The following FAM149B1 variants were observed in gnomAD, a reference collection of about 807,000 sequenced individuals.
FAM149B1 encodes family with sequence similarity 149 member B1, also known as primary cilium assembly protein FAM149B1.
Under a neutral mutation model 75.3 loss-of-function variants are expected in FAM149B1, and 56 were observed. That is an observed-to-expected ratio of 0.74 (90% CI 0.60 to 0.93). The LOEUF (loss-of-function observed/expected upper bound fraction) is 0.93. Among genes scored for constraint, FAM149B1 ranks in the 40% least tolerant of loss-of-function variants. The pLI, the probability that FAM149B1 is intolerant of heterozygous loss-of-function variation, is 0.00. For missense variants in FAM149B1, 639 were observed against 708.4 expected, an observed-to-expected ratio of 0.90 and a Z score of 1.11; for synonymous variants, 259 against 256.1, an observed-to-expected ratio of 1.01 and a Z score of -0.11.
intron 1 of FAM149B1, among the ~76,000 whole-genome samples, chr10:73,173,312 C>T (rs894568763): frequency 1.4e-4 from 21 of 152,230 alleles, no homozygotes; most frequent in African/African-American, 4.8e-4. Flanking sequence ...GTTAACTAGA[C>T]CTACAGACCT....
At chr10:73,199,478 A>T (rs2042884693) in intron 5 of FAM149B1, among the ~76,000 whole-genome samples, 1 of 152,126 alleles carries the variant, frequency 6.6e-6, no homozygotes, top group African/African-American at 2.4e-5. Flanking sequence ...CAGCCTCCCA[A>T]AGTGCTGAGA....
intron 5 of FAM149B1, chr10:73,201,066 T>C: frequency 3.5e-6 from 1 of 286,170 alleles, no homozygotes; most frequent in Non-Finnish European, 7.1e-6. Context: ...CTAGCAGTCA[T>C]GAAAACTGTA....
At chr10:73,203,201 G>A (rs1324801189) in intron 5 of FAM149B1, among the ~76,000 whole-genome samples, 1 of 152,152 alleles carries the variant, frequency 6.6e-6, no homozygotes, top group African/African-American at 2.4e-5. Context: ...AAAGACAGAA[G>A]GGCTAAATGG....
At chr10:73,174,884 A>G (rs1843878386) in intron 2 of FAM149B1, 93 bp downstream of exon 2, 1 of 809,768 alleles carries the variant, frequency 1.2e-6, no homozygotes, top group Non-Finnish European at 2.0e-6. Flanking sequence ...GCCTTGTGCT[A>G]ATGAAAACAA....
chr10:73,232,073 G>A (rs2043717958), intron 9 of FAM149B1, among the ~76,000 whole-genome samples: 1 of 152,158 alleles, frequency 6.6e-6, no homozygotes, highest in Non-Finnish European at 1.5e-5. Context: ...CACCAAAGTG[G>A]CCTGAAAGGT....
In FAM149B1 at chr10:73,233,066, C is replaced by A. The variant is rs372801139; in HGVS notation, c.1255C>A (p.Arg419Ser). Residue 419 changes from arginine to serine, a missense_variant, in exon 10 of 14, where the codon CGC becomes AGC. Arg to Ser is a moderately radical substitution (Grantham distance 110, BLOSUM62 -1). Transcript: ENST00000242505. Reference sequence around the variant, plus strand: ...ATACACAGTGCAGTCCACCAGGAGACGCAATCCACCACCACGAACTCTTCA... The same window carrying A: ...ATACACAGTGCAGTCCACCAGGAGAAGCAATCCACCACCACGAACTCTTCA... ...LSYTVQSTRR[R>S]NPPPRTLHPI... The A allele has an allele frequency of 1.3e-6, 2 of 1,551,474 alleles. No homozygotes were observed. The highest frequency in any genetic ancestry group is 2.4e-5 in the South Asian group (2 of 84,060).
intron 12 of FAM149B1, among the ~76,000 whole-genome samples, chr10:73,235,682 A>G (rs2043804789): frequency 6.6e-6 from 1 of 152,132 alleles, no homozygotes; most frequent in Admixed American, 6.5e-5. Flanking sequence ...GTCCTGGTGG[A>G]TGAGTGAGTT....
At chr10:73,202,965 C>T (rs1367576026) in intron 5 of FAM149B1, among the ~76,000 whole-genome samples, 1 of 152,180 alleles carries the variant, frequency 6.6e-6, no homozygotes, top group Non-Finnish European at 1.5e-5. Context: ...AGGATCTTAT[C>T]TGTTTACCAA....
intron 3 of FAM149B1, among the ~76,000 whole-genome samples, chr10:73,190,759 G>C (rs2042663972): frequency 6.7e-6 from 1 of 148,756 alleles, no homozygotes; most frequent in Admixed American, 6.7e-5. Context: ...GTCTCACTTG[G>C]TTACCCAGGC....
intron 3 of FAM149B1, among the ~76,000 whole-genome samples, chr10:73,181,311 T>C (rs571094393): frequency 2.9e-4 from 44 of 152,294 alleles, no homozygotes; most frequent in African/African-American, 1.1e-3. Context: ...ACCCAGCTGC[T>C]TTTCTAGTTT....
chr10:73,197,356 C>T (rs886687270), intron 5 of FAM149B1, among the ~76,000 whole-genome samples: 6 of 152,034 alleles, frequency 3.9e-5, no homozygotes, highest in African/African-American at 9.7e-5. Flanking sequence ...TTTTAAAAAA[C>T]GACACAAAAA....
intron 3 of FAM149B1, chr10:73,192,273 C>T (rs970434673): frequency 1.1e-5 from 2 of 178,370 alleles, no homozygotes; most frequent in African/African-American, 5.5e-5. Flanking sequence ...CAAAGAAATC[C>T]ATAAAGTGGT....
chr10:73,222,235 T>C (rs1387469406), intron 7 of FAM149B1, among the ~76,000 whole-genome samples: 1 of 152,192 alleles, frequency 6.6e-6, no homozygotes, highest in African/African-American at 2.4e-5. Context: ...GTTTGATCCA[T>C]TCTGGTCTTT....
intron 3 of FAM149B1, among the ~76,000 whole-genome samples, chr10:73,185,551 TA>T (rs1236774656): frequency 3.9e-5 from 6 of 152,198 alleles, no homozygotes; most frequent in African/African-American, 1.2e-4. Context: ...TCTCAACAAA[TA>T]AACAAATACA....
intron 5 of FAM149B1, among the ~76,000 whole-genome samples, chr10:73,197,212 A>C (rs1379278750): frequency 6.6e-6 from 1 of 152,132 alleles, no homozygotes; most frequent in Non-Finnish European, 1.5e-5. Flanking sequence ...CATGTTGCCC[A>C]GGCTGGTCTT....
chr10:73,202,645 C>G (rs2042966689), intron 5 of FAM149B1, among the ~76,000 whole-genome samples: 1 of 150,926 alleles, frequency 6.6e-6, no homozygotes, highest in Non-Finnish European at 1.5e-5. Context: ...CCCTCCCTCC[C>G]TCCCTCCCAA....
At chr10:73,177,574 C>CAA (rs112060986) in intron 2 of FAM149B1, among the ~76,000 whole-genome samples, 3 of 145,382 alleles carry the variant, frequency 2.1e-5, no homozygotes, top group African/African-American at 5.0e-5. Context: ...ATTCTGTCTC[C>CAA]AAAAAAAAAA....
intron 7 of FAM149B1, among the ~76,000 whole-genome samples, chr10:73,216,149 T>C (rs1472379400): frequency 6.6e-6 from 1 of 152,236 alleles, no homozygotes; most frequent in Non-Finnish European, 1.5e-5. Context: ...CATTATATAA[T>C]GACCTTCTTG....
At chr10:73,234,332 GA>G (rs2043774934) in intron 10 of FAM149B1, 1 of 154,560 alleles carries the variant, frequency 6.5e-6, no homozygotes, top group African/African-American at 2.4e-5. Context: ...TCTGGGACAT[GA>G]AAGTATCATT....
Sources: gnomAD v4.1 joint callset for allele counts (sites outside exome capture counted in the v4.1 genomes callset) on GRCh38, gnomAD v4.1.1 for gene constraint, MANE v1.5 for transcripts, NCBI Gene and HGNC (gene_info 2026-07-23, HGNC 2026-07-21) for gene names.